The following RDX variants were observed in gnomAD, a reference collection of about 807,000 sequenced individuals.
The protein encoded by RDX is deafness, autosomal recessive 24.
RDX carries 32 observed loss-of-function variants against 83.7 expected under a neutral mutation model. That is an observed-to-expected ratio of 0.38 (90% CI 0.29 to 0.51). RDX has a LOEUF of 0.51. Among genes scored for constraint, RDX ranks in the 20% least tolerant of loss-of-function variants. The pLI is 0.87. For missense variants in RDX, 600 were observed against 689.9 expected (o/e 0.87, Z 1.46); for synonymous variants, 229 against 222.7 (o/e 1.03, Z -0.25).
chr11:110,228,957 AG>A (rs1159020069), downstream of RDX, among the ~76,000 whole-genome samples: 1 of 151,996 alleles, frequency 6.6e-6, no homozygotes, highest in African/African-American at 2.4e-5. Flanking sequence ...CTATTTTTAT[AG>A]ATTTATCACT....
At chr11:110,187,073 T>C (rs1055769094) in intron 15 of RDX, among the ~76,000 whole-genome samples, 3 of 152,198 alleles carry the variant, frequency 2.0e-5, no homozygotes, top group Non-Finnish European at 2.9e-5. Flanking sequence ...GCAAAAAGAT[T>C]TGTAGTCAGA....
intron 3 of RDX, among the ~76,000 whole-genome samples, chr11:110,270,262 C>G (rs1860250976): frequency 6.6e-6 from 1 of 152,054 alleles, no homozygotes; most frequent in African/African-American, 2.4e-5. Flanking sequence ...CACACCTAGA[C>G]TATATGGTAC....
chr11:110,259,524 T>TA, intron 5 of RDX, among the ~76,000 whole-genome samples: 1 of 152,350 alleles, frequency 6.6e-6, no homozygotes, highest in African/African-American at 2.4e-5. Flanking sequence ...ACCTACTACT[T>TA]AGAGTAAATT....
Position 110,254,091 on chromosome 11 carries a change from G to A in RDX, c.814C>T (p.Pro272Ser). 1 of 1,613,466 alleles carries A rather than the reference G, an allele frequency of 6.2e-7. No individual in the cohort carries two copies. The highest frequency in any genetic ancestry group is 8.5e-7 in the Non-Finnish European group (1 of 1,179,726). The change falls in exon 9 of 14, where the codon CCT becomes TCT. Residue 272 changes from proline to serine, a missense_variant. Physicochemically the swap from Pro to Ser is moderately conservative, Grantham distance 74. Transcript: ENST00000645495. ...KKAPDFVFYA[P>S]RLRINKRILA... Reference sequence around the variant, plus strand: ...ATCCGCTTATTGATTCTCAGACGAGGTGCATAAAACACAAAATCCTAAACA... The same window carrying A: ...ATCCGCTTATTGATTCTCAGACGAGATGCATAAAACACAAAATCCTAAACA...
chr11:110,247,912 A>G (rs1286223888), intron 9 of RDX, 79 bp from the exon 10 acceptor site: 1 of 1,468,508 alleles, frequency 6.8e-7, no homozygotes, highest in Non-Finnish European at 9.1e-7. Flanking sequence ...CTCTGCCATA[A>G]AAAGTAACAA....
At chr11:110,226,433 T>C (rs1565301655), downstream of RDX, among the ~76,000 whole-genome samples, 2 of 152,130 alleles carry the variant, frequency 1.3e-5, no homozygotes, top group Admixed American at 6.5e-5. Context: ...ATCAAATTTA[T>C]AGAGACAGAA....
chr11:110,242,371 T>A (rs922972187), intron 10 of RDX, among the ~76,000 whole-genome samples: 1 of 150,714 alleles, frequency 6.6e-6, no homozygotes, highest in Non-Finnish European at 1.5e-5. Context: ...GAGGCAGAGG[T>A]TGCAGTGACC....
downstream of RDX, among the ~76,000 whole-genome samples, chr11:110,225,349 G>C (rs1485821686): frequency 6.6e-6 from 1 of 152,076 alleles, no homozygotes; most frequent in African/African-American, 2.4e-5. Flanking sequence ...ATCCGAAAAG[G>C]AATATTCCAA....
chr11:110,184,072 G>T (rs1439458694), intron 15 of RDX, among the ~76,000 whole-genome samples: 1 of 152,186 alleles, frequency 6.6e-6, no homozygotes, highest in African/African-American at 2.4e-5. Flanking sequence ...CCACCAGTGT[G>T]CAAGATACAG....
chr11:110,236,404 T>G (rs1193604727), intron 11 of RDX: 2 of 503,792 alleles, frequency 4.0e-6, no homozygotes, highest in Non-Finnish European at 7.0e-6. Flanking sequence ...ATTACTATTA[T>G]TCTACAGACT....
chr11:110,215,699 A>G (rs1471589545), intron 14 of RDX, among the ~76,000 whole-genome samples: 1 of 152,200 alleles, frequency 6.6e-6, no homozygotes, highest in Admixed American at 6.5e-5. Flanking sequence ...AATCCTTCCA[A>G]GAGCAAGTAA....
chr11:110,194,186 T>A (rs1033949135), intron 15 of RDX, among the ~76,000 whole-genome samples: 9 of 152,200 alleles, frequency 5.9e-5, no homozygotes, highest in African/African-American at 2.2e-4. Context: ...TTTCCTCAAT[T>A]CTCTTCCAGG....
chr11:110,269,413 G>A (rs906282493), intron 3 of RDX, among the ~76,000 whole-genome samples: 1 of 152,154 alleles, frequency 6.6e-6, no homozygotes, highest in African/African-American at 2.4e-5. Context: ...TCAGCAAGAA[G>A]CAAACCAAAG....
chr11:110,254,416 T>G (rs1484740014), intron 8 of RDX, among the ~76,000 whole-genome samples: 1 of 152,168 alleles, frequency 6.6e-6, no homozygotes, highest in African/African-American at 2.4e-5. Context: ...TTATACACCA[T>G]TTGCCATTAA....
chr11:110,188,933 C>T (rs1863043475), intron 15 of RDX, among the ~76,000 whole-genome samples: 1 of 151,994 alleles, frequency 6.6e-6, no homozygotes, highest in African/African-American at 2.4e-5. Context: ...TATAAAGCAA[C>T]CGCACAATAG....
chr11:110,249,525 A>G (rs1294785632), intron 9 of RDX, among the ~76,000 whole-genome samples: 3 of 152,192 alleles, frequency 2.0e-5, no homozygotes, highest in East Asian at 1.9e-4. Flanking sequence ...CTCCTAGTGC[A>G]TGCACTAAGC....
chr11:110,282,570 T>C (rs1860806685), intron 1 of RDX, among the ~76,000 whole-genome samples: 1 of 152,194 alleles, frequency 6.6e-6, no homozygotes, highest in Admixed American at 6.5e-5. Flanking sequence ...AGGTCAGTCA[T>C]GGTATATCTA....
At chr11:110,176,822 G>A (rs186378156) in intron 15 of RDX, among the ~76,000 whole-genome samples, 7 of 152,270 alleles carry the variant, frequency 4.6e-5, no homozygotes, top group African/African-American at 9.6e-5. Context: ...TGGTGGGTGC[G>A]TCCCCTAACT....
chr11:110,187,741 C>G (rs1043498825), intron 15 of RDX, among the ~76,000 whole-genome samples: 3 of 152,264 alleles, frequency 2.0e-5, no homozygotes, highest in African/African-American at 7.2e-5. Flanking sequence ...TATCTTGGTC[C>G]TGTCCACCCA....
Sources: gnomAD v4.1 joint callset for allele counts (sites outside exome capture counted in the v4.1 genomes callset) on GRCh38, gnomAD v4.1.1 for gene constraint, MANE v1.5 for transcripts, NCBI Gene and HGNC (gene_info 2026-07-23, HGNC 2026-07-21) for gene names.